The following CSGALNACT1 variants were observed in gnomAD, a reference collection of about 807,000 sequenced individuals.
CSGALNACT1 encodes beta4GalNAcT-1.
In CSGALNACT1, 52 loss-of-function variants were observed where a neutral mutation model predicts 51.0. The ratio of observed to expected loss-of-function variants is 1.02; its 90% CI spans 0.82 to 1.29. The LOEUF is 1.29. Among genes scored for constraint, CSGALNACT1 ranks in the 50% most tolerant of loss-of-function variants. The pLI is 0.00. For missense variants in CSGALNACT1, 935 were observed against 679.2 expected (o/e 1.38, Z -4.19); for synonymous variants, 341 against 254.4 (o/e 1.34, Z -3.24).
intron 4 of CSGALNACT1, among the ~76,000 whole-genome samples, chr8:19,466,540 C>T (rs572241078): frequency 2.0e-5 from 3 of 152,264 alleles, no homozygotes; most frequent in African/African-American, 7.2e-5. Flanking sequence ...TGTTGTCTCA[C>T]TTATCCAGAA....
intron 1 of CSGALNACT1, among the ~76,000 whole-genome samples, chr8:19,655,423 C>G (rs2058172875): frequency 6.6e-6 from 1 of 152,052 alleles, no homozygotes; most frequent in South Asian, 2.1e-4. Context: ...TGCAGTGGCA[C>G]TATCATGGCT....
At chr8:19,631,326 A>G (rs757645984) in intron 1 of CSGALNACT1, among the ~76,000 whole-genome samples, 1 of 152,116 alleles carries the variant, frequency 6.6e-6, no homozygotes, top group Non-Finnish European at 1.5e-5. Context: ...ACCAGCAATG[A>G]ATGGAGTTTC....
At chr8:19,593,209 A>T (rs754371463) in intron 2 of CSGALNACT1, among the ~76,000 whole-genome samples, 17 of 152,212 alleles carry the variant, frequency 1.1e-4, no homozygotes, top group Non-Finnish European at 2.4e-4. Flanking sequence ...ACTGTCAATC[A>T]ATAGTGTGAT....
At chr8:19,436,327 T>G (rs2153740132) in intron 6 of CSGALNACT1, among the ~76,000 whole-genome samples, 1 of 152,212 alleles carries the variant, frequency 6.6e-6, no homozygotes, top group African/African-American at 2.4e-5. Context: ...GAACAGGTGG[T>G]GGTATGCTAA....
At chr8:19,419,297 G>A (rs2057482346) in intron 7 of CSGALNACT1, among the ~76,000 whole-genome samples, 1 of 152,194 alleles carries the variant, frequency 6.6e-6, no homozygotes, top group Non-Finnish European at 1.5e-5. Context: ...ACCAAGCACT[G>A]GGCATCACGC....
At chr8:19,408,559 G>A (rs2054847024) in intron 9 of CSGALNACT1, 54 bp downstream of exon 8, 2 of 1,375,524 alleles carry the variant, frequency 1.5e-6, no homozygotes, top group East Asian at 2.7e-5. Flanking sequence ...TTCCTTCAAG[G>A]CCTACATGGG....
chr8:19,448,295 A>G (rs982330614), intron 5 of CSGALNACT1, among the ~76,000 whole-genome samples: 1 of 152,200 alleles, frequency 6.6e-6, no homozygotes, highest in African/African-American at 2.4e-5. Context: ...TTTGGGTGCA[A>G]TTAATTATCC....
chr8:19,531,870 C>G (rs554583506), intron 3 of CSGALNACT1: 4 of 152,406 alleles, frequency 2.6e-5, no homozygotes, highest in Admixed American at 1.3e-4. Context: ...CAGTCCAAAG[C>G]TCAATGTCTT....
intron 1 of CSGALNACT1, among the ~76,000 whole-genome samples, chr8:19,666,022 T>C (rs538558232): frequency 1.3e-5 from 2 of 152,310 alleles, no homozygotes; most frequent in Admixed American, 1.3e-4. Context: ...AGCTCTCACA[T>C]GGCAGTCCAG....
intron 3 of CSGALNACT1, among the ~76,000 whole-genome samples, chr8:19,537,025 A>G (rs570034617): frequency 6.6e-6 from 1 of 152,294 alleles, no homozygotes; most frequent in Admixed American, 6.5e-5. Flanking sequence ...CCTCTTGGCC[A>G]ATGGGATCCC....
chr8:19,687,525 T>C (rs778662313), upstream of CSGALNACT1, among the ~76,000 whole-genome samples: 6 of 152,218 alleles, frequency 3.9e-5, no homozygotes, highest in Non-Finnish European at 5.9e-5. Context: ...TCTTTTCACA[T>C]AGAAGTTAAT....
chr8:19,549,080 C>T (rs547454176), intron 3 of CSGALNACT1, among the ~76,000 whole-genome samples: 1 of 152,090 alleles, frequency 6.6e-6, no homozygotes, highest in South Asian at 2.1e-4. Context: ...GCCTCTCAAA[C>T]TGCTGGGATT....
intron 1 of CSGALNACT1, among the ~76,000 whole-genome samples, chr8:19,731,553 C>T (rs969004446): frequency 6.6e-6 from 1 of 152,066 alleles, no homozygotes; most frequent in African/African-American, 2.4e-5. Context: ...ATCTTACAAA[C>T]TAACACCTGA....
At chr8:19,633,212 C>T (rs1188903490) in intron 1 of CSGALNACT1, among the ~76,000 whole-genome samples, 6 of 152,106 alleles carry the variant, frequency 3.9e-5, no homozygotes, top group East Asian at 3.9e-4. Context: ...CCCAGGTCGT[C>T]GGTGAATCTT....
At chr8:19,599,480 G>GAA (rs201812156) in intron 2 of CSGALNACT1, among the ~76,000 whole-genome samples, 1,964 of 66,308 alleles carry the variant, frequency 0.03, 19 homozygotes, top group African/African-American at 0.062. Flanking sequence ...GAAAAAGAAA[G>GAA]AAAGAAAGAA....
At chr8:19,564,128 C>T (rs2041405018) in intron 3 of CSGALNACT1, among the ~76,000 whole-genome samples, 2 of 152,208 alleles carry the variant, frequency 1.3e-5, no homozygotes, top group South Asian at 2.1e-4. Flanking sequence ...TTTCACTGAA[C>T]TTAACGCACA....
intron 8 of CSGALNACT1, among the ~76,000 whole-genome samples, chr8:19,412,007 A>G (rs893996984): frequency 1.3e-5 from 2 of 151,834 alleles, no homozygotes; most frequent in Non-Finnish European, 2.9e-5. Flanking sequence ...CATTTTTTAT[A>G]TTTTTAGTAA....
chr8:19,404,668 C>G, exon 10 of CSGALNACT1: 1 of 453,578 alleles, frequency 2.2e-6, no homozygotes, highest in South Asian at 1.6e-5. Context: ...CCAGGAGGAG[C>G]ACCCTGTTTT....
chr8:19,439,102 G>C (rs780487324), intron 6 of CSGALNACT1, among the ~76,000 whole-genome samples: 3 of 152,186 alleles, frequency 2.0e-5, no homozygotes, highest in African/African-American at 7.2e-5. Flanking sequence ...ACAGGCCAGC[G>C]TGCAGCGCCA....
Sources: allele counts gnomAD v4.1 joint callset (sites outside exome capture counted in the v4.1 genomes callset), GRCh38; gene constraint gnomAD v4.1.1; transcripts MANE v1.5; gene names NCBI Gene and HGNC (gene_info 2026-07-23, HGNC 2026-07-21).